Variants in CARS1 observed in about 807,000 individuals in gnomAD.
The protein encoded by CARS1 is cysteine--tRNA ligase, cytoplasmic.
Under a neutral mutation model 106.2 loss-of-function variants are expected in CARS1, and 48 were observed. The observed-to-expected ratio is 0.45, with a 90% CI of 0.36 to 0.57. The LOEUF (loss-of-function observed/expected upper bound fraction) is 0.57. Among genes scored for constraint, CARS1 ranks in the 20% least tolerant of loss-of-function variants. The pLI is 0.00. For missense variants in CARS1, 968 were observed against 1,057.2 expected (o/e 0.92, Z 1.17); for synonymous variants, 409 against 403.4 (o/e 1.01, Z -0.17).
Position 3,047,881 on chromosome 11 carries a change from T to C in CARS1, c.146A>G (p.Asp49Gly). ...CGGGGCCGAGAGCTGCCTGAACGCG[T>C]CCACGTCTGCCTGGGACAGTGAGTA... Reference protein sequence around the residue: ...QGYSLSQADVDAFRQLSAPPA... With the variant: ...QGYSLSQADVGAFRQLSAPPA... The change falls in exon 2 of 23, where the codon GAC becomes GGC. Residue 49 changes from aspartate (D) to glycine (G), a missense_variant. Transcript: ENST00000380525. The C allele has an allele frequency of 6.2e-7, 1 of 1,614,056 alleles. No homozygotes were observed. Among genetic ancestry groups the C allele is most frequent in the Non-Finnish European group, 8.5e-7 (1 of 1,180,016 alleles).
rs114049938 is a variant in CARS1, at chr11:3,013,929, C to T, written c.1987-1653G>A. ...GACACAGGGCAGGGACTGGCATGGG[C>T]GACAGAGTGAGACTCTGTCTCAAAA... On this transcript the variant is annotated intron_variant, in intron 17 of 22. Coordinates refer to ENST00000380525, the MANE Select transcript of CARS1 (RefSeq NM_001014437.3). Among the ~76,000 whole-genome samples the T allele has an allele frequency of 6.1e-3, 926 of 152,178 alleles. 6 individuals are homozygous for T. The highest frequency in any genetic ancestry group is 0.021 in the African/African-American group (882 of 41,518).
At chr11:3,010,087 A>G (rs1311922992) in intron 18 of CARS1, among the ~76,000 whole-genome samples, 1 of 152,194 alleles carries the variant, frequency 6.6e-6, no homozygotes, top group Non-Finnish European at 1.5e-5. Context: ...CCAAGCCACA[A>G]AACAAAAGTG....
rs1307527958 is a variant in CARS1 at position 3,037,511 on chromosome 11, C to T, written c.801+539G>A. On this transcript the variant is annotated intron_variant, in intron 7 of 22. Transcript: ENST00000380525. The surrounding 1 kb of genome is among the most constrained non-coding windows in gnomAD (Gnocchi z 5.9). ...GCCTTCCTGACTGTGTCCAGGGCGC[C>T]AGCCACAGGGAAAGGCCTGAGGAAG... is the stretch of plus-strand genomic sequence containing the variant. Among the ~76,000 whole-genome samples the T allele has an allele frequency of 6.6e-6, 1 of 152,208 alleles. No individual in the cohort carries two copies. Among genetic ancestry groups the T allele is most frequent in the Non-Finnish European group, 1.5e-5 (1 of 68,044 alleles).
At chr11:3,024,101 C>T (rs1851823834) in intron 10 of CARS1, among the ~76,000 whole-genome samples, 1 of 152,190 alleles carries the variant, frequency 6.6e-6, no homozygotes, top group Non-Finnish European at 1.5e-5. Context: ...CCACATTGGC[C>T]AGGCTGGTCT....
chr11:3,037,942 G>A lies in CARS1; in HGVS notation c.801+108C>T. ...AGTGGAGCTACTGGAGACACAGAGT[G>A]TCTTCCACTAAGACAATCTGTGGAA... On this transcript the variant is annotated intron_variant, in intron 7 of 22. Transcript: ENST00000380525. The surrounding 1 kb of genome is among the most constrained non-coding windows in gnomAD (Gnocchi z 5.9). The A allele has an allele frequency of 2.6e-6, 3 of 1,152,590 alleles. No homozygotes were observed. The highest frequency in any genetic ancestry group is 2.4e-5 in the East Asian group (1 of 41,906). 71.4% of individuals were successfully genotyped at this position (1,152,590 alleles called of 1,614,324 possible).
Position 3,040,741 on chromosome 11 carries a change from A to G in CARS1, c.455+155T>C, listed in dbSNP as rs1854338293. On this transcript the variant is annotated intron_variant, in intron 4 of 22. Transcript: ENST00000380525. This position sits in a 1 kb window ranked among gnomAD's most constrained non-coding sequence, Gnocchi z 5.8. ...TGGCATTAAAATTTTCATCTTAAAA[A>G]TAAGAGAAGAAATTCAGTCTTGATT... 9.4e-6 allele frequency: 7 copies of G among 746,172 alleles called. No homozygotes were observed. Among genetic ancestry groups the G allele is most frequent in the Admixed American group, 5.3e-5 (2 of 37,964 alleles). 46.2% of individuals were successfully genotyped at this position (746,172 alleles called of 1,614,324 possible).
At chr11:3,055,287 G>C (rs1415321883) in intron 1 of CARS1, among the ~76,000 whole-genome samples, 1 of 152,192 alleles carries the variant, frequency 6.6e-6, no homozygotes, top group African/African-American at 2.4e-5. Context: ...CAGCCTCCGA[G>C]TAGTCAGGCG....
intron 19 of CARS1, 32 bp downstream of exon 19, chr11:3,006,847 A>C: frequency 6.4e-7 from 1 of 1,567,718 alleles, no homozygotes; most frequent in Non-Finnish European, 8.8e-7. Flanking sequence ...AGCTCCTGGT[A>C]ACTTTGTAGC....
chr11:3,011,735 G>A (rs1471523497), intron 18 of CARS1, among the ~76,000 whole-genome samples: 4 of 152,216 alleles, frequency 2.6e-5, no homozygotes, highest in African/African-American at 9.6e-5. Context: ...AACCCTGGAA[G>A]CTGCAGCTCG....
rs142996413 is a variant in CARS1, at chr11:3,026,837, G to A, written c.1032-40C>T. The A allele has an allele frequency of 2.2e-4, 356 of 1,587,796 alleles. 1 individual carries two copies. In the African/African-American group the frequency reaches 4.0e-3, roughly 18 times the overall value. On this transcript the variant is annotated intron_variant, in intron 9 of 22. Coordinates refer to ENST00000380525, the MANE Select transcript of CARS1 (RefSeq NM_001014437.3). ...AGGAATTGGGTGGGTGCATCTAACA[G>A]ACCCGAAAGTGTGTCAGCAGGATGA...
rs751345927 is a variant in CARS1 at position 3,041,510 on chromosome 11, C to T, written c.367-526G>A. Among the ~76,000 whole-genome samples the T allele has an allele frequency of 6.6e-6, 1 of 152,180 alleles. No individual in the cohort carries two copies. Among genetic ancestry groups the T allele is most frequent in the Admixed American group, 6.5e-5 (1 of 15,280 alleles). On this transcript the variant is annotated intron_variant, in intron 3 of 22. Transcript: ENST00000380525. This position sits in a 1 kb window ranked among gnomAD's most constrained non-coding sequence, Gnocchi z 4.9. ...GTGCTGCTCTGGCACCACTCCCCAA[C>T]ATCCCAGCACCCTCAGACCTCTCTG...
At chr11:3,035,102 C>T (rs1485316677) in intron 7 of CARS1, among the ~76,000 whole-genome samples, 1 of 152,244 alleles carries the variant, frequency 6.6e-6, no homozygotes, top group East Asian at 1.9e-4. Context: ...TCTCATGACT[C>T]GATCACCTCT....
In CARS1 at chr11:3,006,962, G is replaced by A. The variant is rs2134092242; in HGVS notation, c.2069-3C>T. 1.2e-6 allele frequency: 2 copies of A among 1,613,126 alleles called. No homozygotes were observed. The highest frequency in any genetic ancestry group is 1.7e-5 in the Admixed American group (1 of 60,026). ...GCTGAGCTGCAGAATCTCAGGGACTGTAGGAGAAGCAGAGCAGTTCCCTCA... is the reference window on the plus strand; with the variant it reads ...GCTGAGCTGCAGAATCTCAGGGACTATAGGAGAAGCAGAGCAGTTCCCTCA... On this transcript the variant is annotated splice_region_variant and splice_polypyrimidine_tract_variant and intron_variant, in intron 18 of 22. Coordinates refer to ENST00000380525, the MANE Select transcript of CARS1 (RefSeq NM_001014437.3).
Position 3,043,461 on chromosome 11 carries a change from G to A in CARS1, c.275-1205C>T, listed in dbSNP as rs935634814. Among the ~76,000 whole-genome samples the A allele has an allele frequency of 6.6e-6, 1 of 151,692 alleles. No homozygotes were observed. Among genetic ancestry groups the A allele is most frequent in the African/African-American group, 2.4e-5 (1 of 41,234 alleles). ...CAGGTTCTGCGTTATGCTCTGCTGGGCACCTCTGACCCCAGCTGGTGCCTG... is the reference window on the plus strand; with the variant it reads ...CAGGTTCTGCGTTATGCTCTGCTGGACACCTCTGACCCCAGCTGGTGCCTG... On this transcript the variant is annotated intron_variant, in intron 2 of 22. Transcript: ENST00000380525. The surrounding 1 kb of genome is among the most constrained non-coding windows in gnomAD (Gnocchi z 4.0).
chr11:3,010,561 C>T (rs114493264), intron 18 of CARS1, among the ~76,000 whole-genome samples: 1 of 152,228 alleles, frequency 6.6e-6, no homozygotes, highest in African/African-American at 2.4e-5. Context: ...GTGCGCCCAC[C>T]GCTGCCTGTT....
intron 7 of CARS1, among the ~76,000 whole-genome samples, chr11:3,032,429 T>C (rs994986582): frequency 5.9e-5 from 9 of 152,042 alleles, no homozygotes; most frequent in African/African-American, 7.3e-5. Flanking sequence ...GGCATCTGAA[T>C]TGGGGACAGT....
chr11:3,049,084 C>T (rs1319760390), intron 1 of CARS1, among the ~76,000 whole-genome samples: 6 of 150,140 alleles, frequency 4.0e-5, no homozygotes. Flanking sequence ...CCTCCATTCT[C>T]CCTTTTTTAT....
intron 1 of CARS1, among the ~76,000 whole-genome samples, chr11:3,051,371 C>G (rs1363563651): frequency 6.6e-6 from 1 of 152,226 alleles, no homozygotes; most frequent in African/African-American, 2.4e-5. Flanking sequence ...AGTGTCAGCA[C>G]TGACACTGCC....
chr11:3,045,418 T>C lies in CARS1; in HGVS notation c.274+2335A>G, dbSNP rs1480281046. ...TAGCTGGGACTATAGGCACCCGCCA[T>C]CACGCCCGGCTAATTTTTTGTATTT... On this transcript the variant is annotated intron_variant, in intron 2 of 22. Transcript: ENST00000380525. This position sits in a 1 kb window ranked among gnomAD's most constrained non-coding sequence, Gnocchi z 5.6. Among the ~76,000 whole-genome samples, 4 of 152,092 alleles carry C rather than the reference T, an allele frequency of 2.6e-5. No homozygotes were observed. Among genetic ancestry groups the C allele is most frequent in the Admixed American group, 6.5e-5 (1 of 15,284 alleles).
Sources: gnomAD v4.1 joint callset for allele counts (sites outside exome capture counted in the v4.1 genomes callset) on GRCh38, gnomAD v4.1.1 for gene constraint, Gnocchi (gnomAD v3.1) non-coding constraint, MANE v1.5 for transcripts, NCBI Gene and HGNC (gene_info 2026-07-23, HGNC 2026-07-21) for gene names.